Variants in KIF1B observed in about 807,000 individuals in gnomAD.
KIF1B encodes the protein kinesin-like protein KIF1B.
In KIF1B, 76 loss-of-function variants were observed where a neutral mutation model predicts 241.9. The ratio of observed to expected loss-of-function variants is 0.31; its 90% confidence interval spans 0.26 to 0.38. The LOEUF (loss-of-function observed/expected upper bound fraction) is 0.38, where lower values mean the gene tolerates loss of function less well. KIF1B is among the 10% of genes least tolerant of loss of function. The pLI, the probability that KIF1B is intolerant of heterozygous loss-of-function variation, is 1.00. For synonymous variants in KIF1B, 750 were observed against 796.7 expected (o/e 0.94, Z 0.99); for missense variants, 1,622 against 2,271.4 (o/e 0.71, Z 5.81).
chr1:10,356,617 T>C (rs1638257405), intron 38 of KIF1B, among the ~76,000 whole-genome samples: 2 of 143,006 alleles, frequency 1.4e-5, no homozygotes, highest in African/African-American at 5.2e-5. Flanking sequence ...GAAAAAAAAA[T>C]GCGGCCGGGC....
chr1:10,361,626 C>G (rs545718223), intron 39 of KIF1B, 66 bp from the exon 40 acceptor site: 1 of 1,595,228 alleles, frequency 6.3e-7, no homozygotes, highest in African/African-American at 1.3e-5. Context: ...CAAATACGTT[C>G]GTGTATAGAC....
chr1:10,224,357 C>G (rs1571094868), intron 1 of KIF1B, among the ~76,000 whole-genome samples: 2 of 152,204 alleles, frequency 1.3e-5, no homozygotes, highest in East Asian at 1.9e-4. Context: ...ACCTTGTGAT[C>G]CGCCCGCCTC....
chr1:10,352,651 G>C lies in KIF1B; in HGVS notation c.3970G>C (p.Glu1324Gln). ...TTTAGGTCGTATTCGGAATAAGCCT[G>C]AGGTGGATGAAGCTGCAGTTGATGC... ...LVVGRIRNKP[E>Q]VDEAAVDAIL... Residue 1324 changes from glutamate (E) to glutamine (Q), a missense_variant, in exon 38 of 49, where the codon GAG becomes CAG. This residue lies in a region of KIF1B where 803 missense variants were observed against 1,112.0 expected (regional missense o/e 0.72). Transcript: ENST00000676179. The C allele has an allele frequency of 6.2e-7, 1 of 1,613,812 alleles. No homozygotes were observed. Among genetic ancestry groups the C allele is most frequent in the Non-Finnish European group, 8.5e-7 (1 of 1,179,818 alleles).
chr1:10,350,623 G>A (rs908024328), intron 37 of KIF1B, among the ~76,000 whole-genome samples: 1 of 152,180 alleles, frequency 6.6e-6, no homozygotes, highest in African/African-American at 2.4e-5. Flanking sequence ...TTTCTACTGG[G>A]GACAGAGTCA....
rs767065436 is a variant in KIF1B at position 10,368,443 on chromosome 1, T to A, written c.4753-24T>A. 2.5e-6 allele frequency: 4 copies of A among 1,601,180 alleles called. No homozygotes were observed. In the African/African-American group the frequency reaches 5.4e-5, roughly 21 times the overall value. ...GGCTGTTGACATTTTATGTTCAGCT[T>A]GCACTTCTCTTTCTCTTCTTTAGTG... is the stretch of plus-strand genomic sequence containing the variant. On this transcript the variant is annotated intron_variant, in intron 43 of 48. Coordinates refer to ENST00000676179, the MANE Select transcript of KIF1B (RefSeq NM_001365951.3).
At chr1:10,256,049 T>C (rs1185268458) in intron 2 of KIF1B, among the ~76,000 whole-genome samples, 198 bp from the exon 3 acceptor site, 1 of 151,806 alleles carries the variant, frequency 6.6e-6, no homozygotes, top group African/African-American at 2.4e-5. Context: ...CCTCTAGTGA[T>C]CCACCCAGCT....
chr1:10,317,254 C>T (rs1389453354), intron 22 of KIF1B, among the ~76,000 whole-genome samples: 1 of 151,470 alleles, frequency 6.6e-6, no homozygotes, highest in Non-Finnish European at 1.5e-5. Context: ...CTTTCAGTAT[C>T]ACCATGGAAT....
At chr1:10,358,483 A>AT (rs1454915668) in intron 38 of KIF1B, among the ~76,000 whole-genome samples, 1 of 152,152 alleles carries the variant, frequency 6.6e-6, no homozygotes, top group Admixed American at 6.5e-5. Flanking sequence ...TAACTTTAGC[A>AT]TGGATGTATC....
intron 14 of KIF1B, among the ~76,000 whole-genome samples, chr1:10,279,511 C>A (rs1649294764): frequency 1.3e-5 from 2 of 152,186 alleles, no homozygotes; most frequent in East Asian, 3.9e-4. Flanking sequence ...CCTTTTAATT[C>A]TGTTAATGGC....
intron 22 of KIF1B, among the ~76,000 whole-genome samples, chr1:10,310,489 A>G (rs1202841059): frequency 6.6e-6 from 1 of 151,692 alleles, no homozygotes; most frequent in African/African-American, 2.4e-5. Context: ...GTACGAAAGC[A>G]GCCATAGACA....
chr1:10,329,737 G>T (rs1246390789), intron 27 of KIF1B, among the ~76,000 whole-genome samples: 1 of 131,480 alleles, frequency 7.6e-6, no homozygotes, highest in East Asian at 2.3e-4. Flanking sequence ...CTGTCTAGGG[G>T]GAAAAAAAAA....
At chr1:10,349,545 C>T (rs1652712009) in intron 37 of KIF1B, among the ~76,000 whole-genome samples, 1 of 150,788 alleles carries the variant, frequency 6.6e-6, no homozygotes, top group African/African-American at 2.4e-5. Flanking sequence ...AAAATGAGGA[C>T]AAAGGAAAAT....
chr1:10,263,876 C>T (rs1299339331), intron 5 of KIF1B, among the ~76,000 whole-genome samples: 1 of 152,148 alleles, frequency 6.6e-6, no homozygotes, highest in East Asian at 1.9e-4. Context: ...CTTCTACTTC[C>T]TTCCCTGTTT....
Position 10,379,352 on chromosome 1 carries a change from G to C in KIF1B, c.*2765G>C. On this transcript the variant is annotated 3_prime_UTR_variant, in exon 49 of 49. Coordinates refer to ENST00000676179, the MANE Select transcript of KIF1B (RefSeq NM_001365951.3). ...CGTGCCTGAATAAGAAGGCCTCTTA[G>C]GGAGCCAGAGGGAGCAGAGTGGTCG... is the stretch of plus-strand genomic sequence containing the variant. 4.3e-6 allele frequency: 1 copy of C among 231,438 alleles called. No homozygotes were observed. The highest frequency in any genetic ancestry group is 8.6e-6 in the Non-Finnish European group (1 of 116,580). 14.3% of individuals were successfully genotyped at this position (231,438 alleles called of 1,614,324 possible).
intron 2 of KIF1B, among the ~76,000 whole-genome samples, chr1:10,249,011 A>G (rs1039456861): frequency 1.3e-5 from 2 of 152,206 alleles, no homozygotes; most frequent in Non-Finnish European, 2.9e-5. Flanking sequence ...AATACTTTTA[A>G]AAGAGTTATT....
In KIF1B at chr1:10,361,753, G is replaced by A; in HGVS notation, c.4232G>A (p.Arg1411Gln). 6.2e-7 allele frequency: 1 copy of A among 1,614,028 alleles called. No homozygotes were observed. The highest frequency in any genetic ancestry group is 8.5e-7 in the Non-Finnish European group (1 of 1,180,016). ...GATGTGTGCATGGTCTTCTACTCCC[G>A]AGATGCCAAGATCTCACCACCACGC... is the stretch of plus-strand genomic sequence containing the variant. ...TKDVCMVFYS[R>Q]DAKISPPRSL... Residue 1411 changes from arginine (R) to glutamine (Q), a missense_variant, in exon 40 of 49, where the codon CGA (arginine) becomes CAA (glutamine). Coordinates refer to ENST00000676179, the MANE Select transcript of KIF1B (RefSeq NM_001365951.3).
In KIF1B at chr1:10,326,568, G is replaced by A. The variant is rs973952342; in HGVS notation, c.2924+209G>A. On this transcript the variant is annotated intron_variant, in intron 27 of 48. Transcript: ENST00000676179. This position sits in a 1 kb window ranked among gnomAD's most constrained non-coding sequence, Gnocchi z 5.2. ...GTGTGTGAGGTCCTCAGTCTACTCA[G>A]CACAATACGTAGCAATATATGAAGA... is the stretch of plus-strand genomic sequence containing the variant. Among the ~76,000 whole-genome samples, 5 of 152,164 alleles carry A rather than the reference G, an allele frequency of 3.3e-5. No homozygotes were observed. The highest frequency in any genetic ancestry group is 1.2e-4 in the African/African-American group (5 of 41,420).
At chr1:10,272,356 T>C (rs750608371) in intron 9 of KIF1B, 50 bp downstream of exon 9, 2 of 1,079,564 alleles carry the variant, frequency 1.9e-6, no homozygotes, top group South Asian at 1.2e-5. Context: ...TCAGCAAATA[T>C]ACTTGATGAT....
intron 27 of KIF1B, among the ~76,000 whole-genome samples, chr1:10,327,185 A>G (rs1313791866): frequency 2.0e-5 from 3 of 152,044 alleles, no homozygotes; most frequent in Non-Finnish European, 2.9e-5. Context: ...AACGTGACCC[A>G]TGAAACCCGT....
Sources: allele counts gnomAD v4.1 joint callset (sites outside exome capture counted in the v4.1 genomes callset), GRCh38; gene constraint gnomAD v4.1.1; regional missense constraint gnomAD v4.1.1; non-coding constraint Gnocchi (gnomAD v3.1); transcripts MANE v1.5; gene names NCBI Gene and HGNC (gene_info 2026-07-23, HGNC 2026-07-21).